NLGN1: variants seen among roughly 807,000 people sequenced by gnomAD.
NLGN1 encodes the protein neuroligin-1.
A neutral mutation model predicts 65.5 loss-of-function variants in NLGN1; 12 were observed. The observed-to-expected ratio is 0.18, with a 90% CI of 0.12 to 0.30. NLGN1 has a LOEUF of 0.30. Among genes scored for constraint, NLGN1 ranks in the 10% least tolerant of loss-of-function variants. The probability of loss-of-function intolerance (pLI) is 1.00; values close to 1 mark genes in which losing one functional copy is unlikely to be tolerated. For missense variants in NLGN1, 750 were observed against 1,007.1 expected (o/e 0.74, Z 3.46); for synonymous variants, 350 against 359.5 (o/e 0.97, Z 0.30).
intron 2 of NLGN1, among the ~76,000 whole-genome samples, chr3:173,566,258 G>A (rs542616018): frequency 7.2e-5 from 11 of 152,322 alleles, no homozygotes; most frequent in African/African-American, 2.6e-4. Flanking sequence ...TCAGGATGGA[G>A]ATTGAAGCTA....
At chr3:173,527,296 T>A (rs1217459080) in intron 2 of NLGN1, among the ~76,000 whole-genome samples, 1 of 152,248 alleles carries the variant, frequency 6.6e-6, no homozygotes, top group East Asian at 1.9e-4. Context: ...TTGATTTGCA[T>A]TTCTCTGATG....
At chr3:173,793,429 G>A (rs1327133381) in intron 3 of NLGN1, among the ~76,000 whole-genome samples, 1 of 152,080 alleles carries the variant, frequency 6.6e-6, no homozygotes, top group Non-Finnish European at 1.5e-5. Flanking sequence ...CTATGCTGGA[G>A]GGAAAATGGG....
chr3:173,720,902 G>C (rs1217623274), intron 3 of NLGN1, among the ~76,000 whole-genome samples: 1 of 152,166 alleles, frequency 6.6e-6, no homozygotes, highest in African/African-American at 2.4e-5. Context: ...TATCTACGTA[G>C]AGCTATGATG....
At chr3:173,471,519 T>C (rs1725315362) in intron 2 of NLGN1, among the ~76,000 whole-genome samples, 1 of 152,112 alleles carries the variant, frequency 6.6e-6, no homozygotes, top group Non-Finnish European at 1.5e-5. Context: ...ATGTCGGCCA[T>C]ATTGGGTTAG....
rs778030101 is a variant in NLGN1 at position 174,118,559 on chromosome 3, G to A, written c.647-156756G>A. Among the ~76,000 whole-genome samples, 80 of 152,204 alleles carry A rather than the reference G, an allele frequency of 5.3e-4. No homozygotes were observed. The Middle Eastern group carries it at 0.014, about 26-fold the overall frequency. ...AGATTTAAAATTTTTTAAGCATAAT[G>A]TATTCACTTGTGGTAGAGAAGGAGC... On this transcript the variant is annotated intron_variant, in intron 4 of 6. Coordinates refer to ENST00000457714, the Ensembl canonical transcript of NLGN1.
At chr3:173,960,574 G>A (rs1000273282) in intron 4 of NLGN1, among the ~76,000 whole-genome samples, 35 of 151,742 alleles carry the variant, frequency 2.3e-4, no homozygotes, top group Admixed American at 1.6e-3. Flanking sequence ...AGATTTATTC[G>A]GGTTATTTGG....
At chr3:173,613,460 G>T (rs1425295620) in intron 3 of NLGN1, among the ~76,000 whole-genome samples, 1 of 152,012 alleles carries the variant, frequency 6.6e-6, no homozygotes, top group African/African-American at 2.4e-5. Context: ...CGATGCATTA[G>T]TCCATATGCT....
Position 173,635,188 on chromosome 3 carries a change from A to G in NLGN1, c.493+30097A>G, listed in dbSNP as rs187426241. ...TTCCCACCTGCCCTTTGCTTCTTATATACACATCATCTACTCCCTACAGTT... is the reference window on the plus strand; with the variant it reads ...TTCCCACCTGCCCTTTGCTTCTTATGTACACATCATCTACTCCCTACAGTT... On this transcript the variant is annotated intron_variant, in intron 3 of 6. Transcript: ENST00000457714. Among the ~76,000 whole-genome samples the G allele has an allele frequency of 3.2e-4, 48 of 152,228 alleles. No individual in the cohort carries two copies. The East Asian group carries it at 5.6e-3, about 18-fold the overall frequency.
chr3:173,978,834 TAAAAAAAAAAAA>T (rs34496124), intron 4 of NLGN1, among the ~76,000 whole-genome samples: 11 of 111,276 alleles, frequency 9.9e-5, no homozygotes, highest in African/African-American at 1.7e-4. Flanking sequence ...CTTCTCTAAT[TAAAAAAAAAAAA>T]AAAAAAAAAA....
intron 4 of NLGN1, among the ~76,000 whole-genome samples, chr3:174,183,285 A>C (rs1393249058): frequency 6.6e-6 from 1 of 152,210 alleles, no homozygotes; most frequent in Non-Finnish European, 1.5e-5. Flanking sequence ...TTGAGTCCAT[A>C]GCATATAAAA....
At chr3:173,507,349 A>G (rs916124477) in intron 2 of NLGN1, among the ~76,000 whole-genome samples, 1 of 151,998 alleles carries the variant, frequency 6.6e-6, no homozygotes, top group Non-Finnish European at 1.5e-5. Context: ...AATCCATCCA[A>G]TTAAAATAAA....
intron 2 of NLGN1, among the ~76,000 whole-genome samples, chr3:173,569,404 T>G (rs1314270673): frequency 6.6e-6 from 1 of 151,976 alleles, no homozygotes; most frequent in Non-Finnish European, 1.5e-5. Flanking sequence ...CTTTTATTAA[T>G]TTTTTTAAAA....
intron 4 of NLGN1, among the ~76,000 whole-genome samples, chr3:174,129,079 G>A (rs981188970): frequency 2.0e-5 from 3 of 151,944 alleles, no homozygotes; most frequent in African/African-American, 7.3e-5. Context: ...TGTCAAATCT[G>A]GAGATAAGAG....
intron 3 of NLGN1, among the ~76,000 whole-genome samples, chr3:173,680,614 G>A (rs371418641): frequency 9.9e-5 from 15 of 152,206 alleles, no homozygotes; most frequent in African/African-American, 3.6e-4. Context: ...GATGGAACAA[G>A]GTTATGATTC....
At chr3:174,166,825 G>A (rs1004664763) in intron 4 of NLGN1, among the ~76,000 whole-genome samples, 3 of 152,068 alleles carry the variant, frequency 2.0e-5, no homozygotes, top group African/African-American at 7.2e-5. Flanking sequence ...AAGTTATTTT[G>A]TAGGTCTATA....
intron 3 of NLGN1, among the ~76,000 whole-genome samples, chr3:173,797,850 G>A (rs759860356): frequency 4.6e-5 from 7 of 152,034 alleles, no homozygotes; most frequent in Non-Finnish European, 8.8e-5. Flanking sequence ...AGAAGTGGGC[G>A]ATGATGTTTT....
At chr3:173,753,587 T>C (rs1776628417) in intron 3 of NLGN1, among the ~76,000 whole-genome samples, 1 of 152,032 alleles carries the variant, frequency 6.6e-6, no homozygotes, top group African/African-American at 2.4e-5. Context: ...AACCCAAACT[T>C]TTTTCTCTTT....
intron 4 of NLGN1, among the ~76,000 whole-genome samples, chr3:173,868,039 T>A (rs1730519042): frequency 6.6e-6 from 1 of 152,208 alleles, no homozygotes. Flanking sequence ...TTAAATATAT[T>A]ACAAACCTGT....
At chr3:173,733,956 G>T (rs1773292492) in intron 3 of NLGN1, among the ~76,000 whole-genome samples, 1 of 151,682 alleles carries the variant, frequency 6.6e-6, no homozygotes. Context: ...AAATGACTAG[G>T]TTTTATGTCA....
Sources: allele counts gnomAD v4.1 joint callset (sites outside exome capture counted in the v4.1 genomes callset), GRCh38; gene constraint gnomAD v4.1.1; transcripts MANE v1.5; gene names NCBI Gene and HGNC (gene_info 2026-07-23, HGNC 2026-07-21).